The following DLGAP2 variants were observed in gnomAD, a reference collection of about 807,000 sequenced individuals.
The protein encoded by DLGAP2 is disks large-associated protein 2.
In DLGAP2, 26 loss-of-function variants were observed where a neutral mutation model predicts 100.3. The observed-to-expected ratio is 0.26, with a 90% CI of 0.19 to 0.36. DLGAP2 has a LOEUF of 0.36. Among genes scored for constraint, DLGAP2 ranks in the 10% least tolerant of loss-of-function variants. The probability of loss-of-function intolerance (pLI) is 1.00; values close to 1 mark genes in which losing one functional copy is unlikely to be tolerated. For synonymous variants in DLGAP2, 886 were observed against 630.1 expected, an observed-to-expected ratio of 1.41 and a Z score of -6.08; for missense variants, 1,858 against 1,453.2, an observed-to-expected ratio of 1.28 and a Z score of -4.53.
At chr8:1,494,369 A>T (rs1054571638) in intron 3 of DLGAP2, among the ~76,000 whole-genome samples, 1 of 152,240 alleles carries the variant, frequency 6.6e-6, no homozygotes, top group Non-Finnish European at 1.5e-5. Context: ...GTCAATTTAA[A>T]GTGTGCATTT....
intron 2 of DLGAP2, among the ~76,000 whole-genome samples, chr8:1,160,817 C>G (rs945352695): frequency 6.6e-6 from 1 of 152,152 alleles, no homozygotes; most frequent in Non-Finnish European, 1.5e-5. Flanking sequence ...TTCACCACCT[C>G]GAAGACCAGC....
At chr8:1,032,776 C>G (rs1283501347) in intron 2 of DLGAP2, 2 of 152,216 alleles carry the variant, frequency 1.3e-5, no homozygotes, top group Non-Finnish European at 2.9e-5. Context: ...TTCCTGTGTG[C>G]TGCCTGTGAC....
chr8:1,350,758 C>T (rs1431575545), intron 3 of DLGAP2, among the ~76,000 whole-genome samples: 13 of 52,316 alleles, frequency 2.5e-4, no homozygotes, highest in Admixed American at 8.8e-4. Context: ...AAAGGCCGCG[C>T]GGGTCCTGAG....
At chr8:1,021,574 G>C (rs1323474167) in intron 2 of DLGAP2, among the ~76,000 whole-genome samples, 5 of 152,168 alleles carry the variant, frequency 3.3e-5, no homozygotes, top group Non-Finnish European at 5.9e-5. Context: ...CTTGATCTCA[G>C]GCAGTCAGAG....
intron 1 of DLGAP2, among the ~76,000 whole-genome samples, chr8:790,473 T>A (rs1821996588): frequency 6.6e-6 from 1 of 152,212 alleles, no homozygotes. Context: ...GGAGTTACCT[T>A]ATAAATGCTT....
At chr8:1,160,487 G>C (rs570143067) in intron 2 of DLGAP2, among the ~76,000 whole-genome samples, 3 of 152,328 alleles carry the variant, frequency 2.0e-5, no homozygotes, top group Non-Finnish European at 4.4e-5. Context: ...GGAGTCTTTT[G>C]TGGTCATTTT....
chr8:1,301,924 G>C (rs1035099670), intron 3 of DLGAP2: 1 of 152,416 alleles, frequency 6.6e-6, no homozygotes, highest in African/African-American at 2.4e-5. Context: ...AGGGAGGGGG[G>C]AGGAAGGACA....
intron 3 of DLGAP2, among the ~76,000 whole-genome samples, chr8:1,408,245 C>T (rs186557563): frequency 9.0e-4 from 137 of 152,342 alleles, no homozygotes; most frequent in Non-Finnish European, 1.6e-3. Flanking sequence ...AACTCATTCT[C>T]CACTTTCCGC....
chr8:1,453,870 G>A (rs1798231611), intron 3 of DLGAP2, among the ~76,000 whole-genome samples: 1 of 152,234 alleles, frequency 6.6e-6, no homozygotes, highest in Admixed American at 6.5e-5. Flanking sequence ...AGTCTCCATG[G>A]AAACTGGATA....
chr8:1,683,418 G>T (rs536609548), intron 12 of DLGAP2, among the ~76,000 whole-genome samples: 2 of 151,430 alleles, frequency 1.3e-5, no homozygotes, highest in East Asian at 3.9e-4. Context: ...CCTGCCTGTG[G>T]GGAGGGTCTG....
chr8:1,429,020 G>C (rs1219231647), intron 3 of DLGAP2, among the ~76,000 whole-genome samples: 2 of 152,216 alleles, frequency 1.3e-5, no homozygotes, highest in Admixed American at 6.5e-5. Flanking sequence ...ACAGACAGCA[G>C]TTCATAAATT....
intron 11 of DLGAP2, 39 bp downstream of exon 11, chr8:1,676,657 G>T: frequency 6.3e-7 from 1 of 1,578,132 alleles, no homozygotes; most frequent in Non-Finnish European, 8.6e-7. Context: ...ACCCCCGAGC[G>T]AGGGCTCTTT....
At chr8:787,069 G>T (rs907497316) in intron 1 of DLGAP2, among the ~76,000 whole-genome samples, 6 of 152,184 alleles carry the variant, frequency 3.9e-5, no homozygotes, top group Admixed American at 6.5e-5. Flanking sequence ...AGAAGCCACA[G>T]AACTTGGAAT....
At chr8:1,019,031 A>T (rs1423017399) in intron 2 of DLGAP2, 1 of 152,152 alleles carries the variant, frequency 6.6e-6, no homozygotes, top group African/African-American at 2.4e-5. Flanking sequence ...GGAGGCAGCG[A>T]CTGAGAAGGT....
chr8:1,390,055 T>G (rs950249249), intron 3 of DLGAP2, among the ~76,000 whole-genome samples: 2 of 152,180 alleles, frequency 1.3e-5, no homozygotes, highest in African/African-American at 2.4e-5. Flanking sequence ...CAGGAAAAAC[T>G]TAACAGGCTG....
At chr8:1,176,000 C>G (rs77084302) in intron 2 of DLGAP2, among the ~76,000 whole-genome samples, 2 of 152,094 alleles carry the variant, frequency 1.3e-5, no homozygotes, top group African/African-American at 4.8e-5. Context: ...ACCATCCGCC[C>G]GATAAATATT....
chr8:856,080 T>C (rs936301171), intron 1 of DLGAP2, among the ~76,000 whole-genome samples: 1 of 151,834 alleles, frequency 6.6e-6, no homozygotes, highest in Non-Finnish European at 1.5e-5. Flanking sequence ...ATAAAAGATA[T>C]GCATATTGGG....
intron 3 of DLGAP2, among the ~76,000 whole-genome samples, chr8:1,494,985 A>T (rs969331619): frequency 1.3e-5 from 2 of 152,202 alleles, no homozygotes; most frequent in Non-Finnish European, 2.9e-5. Context: ...GTCCCGAGAT[A>T]TGCCTGTTGG....
At chr8:786,389 C>T (rs1821867703) in intron 1 of DLGAP2, among the ~76,000 whole-genome samples, 1 of 152,156 alleles carries the variant, frequency 6.6e-6, no homozygotes, top group Admixed American at 6.5e-5. Context: ...CTTCCGGGGA[C>T]AGCCACCATT....
Sources: allele counts gnomAD v4.1 joint callset (sites outside exome capture counted in the v4.1 genomes callset), GRCh38; gene constraint gnomAD v4.1.1; transcripts MANE v1.5; gene names NCBI Gene and HGNC (gene_info 2026-07-23, HGNC 2026-07-21).